Variants in PDE1A observed in about 807,000 individuals in gnomAD.
PDE1A encodes dual specificity calcium/calmodulin-dependent 3',5'-cyclic nucleotide phosphodiesterase 1A.
In PDE1A, 35 loss-of-function variants were observed where a neutral mutation model predicts 61.7. That is an observed-to-expected ratio of 0.57 (90% CI 0.43 to 0.75). The LOEUF (loss-of-function observed/expected upper bound fraction) is 0.75, where lower values mean the gene tolerates loss of function less well. PDE1A is among the 30% of genes least tolerant of loss of function. The probability of loss-of-function intolerance (pLI) is 0.00; values close to 1 mark genes in which losing one functional copy is unlikely to be tolerated. For missense variants in PDE1A, 597 were observed against 630.6 expected, an observed-to-expected ratio of 0.95 and a Z score of 0.57; for synonymous variants, 232 against 213.2, an observed-to-expected ratio of 1.09 and a Z score of -0.77.
the PDE1A span, among the ~76,000 whole-genome samples, chr2:182,707,821 G>A: frequency 6.6e-6 from 1 of 152,164 alleles, no homozygotes; most frequent in African/African-American, 2.4e-5. Context: ...CTAGGTAGAA[G>A]TCGCAATTAA....
chr2:182,364,484 A>AAAAAAAC (rs1699714085), intron 1 of PDE1A, among the ~76,000 whole-genome samples: 1 of 146,992 alleles, frequency 6.8e-6, no homozygotes, highest in Non-Finnish European at 1.5e-5. Context: ...AAAAAAAAAA[A>AAAAAAAC]AAAAAAAAAA....
intron 1 of PDE1A, among the ~76,000 whole-genome samples, chr2:182,359,594 T>C (rs1229254129): frequency 6.6e-6 from 1 of 152,136 alleles, no homozygotes; most frequent in Non-Finnish European, 1.5e-5. Flanking sequence ...GAAAGATTAT[T>C]GATGTCATTT....
At chr2:182,298,545 C>A (rs75205473) in intron 1 of PDE1A, among the ~76,000 whole-genome samples, 1 of 152,174 alleles carries the variant, frequency 6.6e-6, no homozygotes, top group African/African-American at 2.4e-5. Context: ...TTTCTTAGAA[C>A]CCCAACAGAA....
chr2:182,217,556 T>A (rs1374025008), intron 7 of PDE1A, among the ~76,000 whole-genome samples: 2 of 147,150 alleles, frequency 1.4e-5, no homozygotes, highest in Non-Finnish European at 3.0e-5. Flanking sequence ...TACAATGAAC[T>A]CAAACAAATT....
At chr2:182,379,435 T>A (rs1286131284) in intron 1 of PDE1A, among the ~76,000 whole-genome samples, 1 of 152,186 alleles carries the variant, frequency 6.6e-6, no homozygotes, top group Non-Finnish European at 1.5e-5. Context: ...GCTGACAGGA[T>A]CTCTGCAGAT....
chr2:182,245,644 T>A (rs1352800042), intron 2 of PDE1A, among the ~76,000 whole-genome samples: 1 of 152,158 alleles, frequency 6.6e-6, no homozygotes, highest in Non-Finnish European at 1.5e-5. Context: ...TTATTCCACT[T>A]GGTAATATGC....
At chr2:182,254,622 A>T (rs1393837545) in intron 2 of PDE1A, among the ~76,000 whole-genome samples, 5 of 152,166 alleles carry the variant, frequency 3.3e-5, no homozygotes, top group Admixed American at 3.3e-4. Flanking sequence ...TCCAGAACAA[A>T]AAGGGACTGG....
At chr2:182,696,228 A>G in the PDE1A span, among the ~76,000 whole-genome samples, 1 of 152,260 alleles carries the variant, frequency 6.6e-6, no homozygotes, top group Non-Finnish European at 1.5e-5. Context: ...CCTTTAGTAG[A>G]TGAATGAGGA....
chr2:182,169,086 C>A (rs951370454), intron 13 of PDE1A, among the ~76,000 whole-genome samples: 10 of 151,956 alleles, frequency 6.6e-5, no homozygotes, highest in South Asian at 6.2e-4. Context: ...TAAATAATTT[C>A]TTTAACTCAT....
chr2:182,225,320 T>C (rs1011658327), intron 6 of PDE1A, among the ~76,000 whole-genome samples: 1 of 151,856 alleles, frequency 6.6e-6, no homozygotes, highest in Non-Finnish European at 1.5e-5. Context: ...TTGATGAGAA[T>C]TGATGAATTT....
At chr2:182,221,192 T>C (rs186508304) in intron 7 of PDE1A, among the ~76,000 whole-genome samples, 1 of 152,036 alleles carries the variant, frequency 6.6e-6, no homozygotes, top group Admixed American at 6.6e-5. Flanking sequence ...TGCAGATGAA[T>C]AGTAAAGGGA....
At chr2:182,626,053 T>A in the PDE1A span, among the ~76,000 whole-genome samples, 1 of 152,160 alleles carries the variant, frequency 6.6e-6, no homozygotes, top group Non-Finnish European at 1.5e-5. Context: ...GGTAAGCTGA[T>A]CCTGCTCACC....
chr2:182,506,204 T>C (rs954648630), intron 2 of PDE1A, among the ~76,000 whole-genome samples: 6 of 152,240 alleles, frequency 3.9e-5, no homozygotes, highest in African/African-American at 1.4e-4. Flanking sequence ...TTTCTTTCCA[T>C]GTAGAGTTCG....
chr2:182,462,042 G>C (rs1470570905), intron 2 of PDE1A, among the ~76,000 whole-genome samples: 1 of 151,928 alleles, frequency 6.6e-6, no homozygotes, highest in East Asian at 1.9e-4. Context: ...TCTTTAAAAA[G>C]TATTCTCAGC....
intron 7 of PDE1A, among the ~76,000 whole-genome samples, chr2:182,221,258 T>C (rs866986678): frequency 5.9e-5 from 9 of 152,082 alleles, no homozygotes; most frequent in South Asian, 4.2e-4. Context: ...CCACTGGCCT[T>C]TACTTTTCAA....
At chr2:182,710,514 C>T in the PDE1A span, among the ~76,000 whole-genome samples, 2 of 152,178 alleles carry the variant, frequency 1.3e-5, no homozygotes, top group African/African-American at 4.8e-5. Context: ...TCCTTTTCCC[C>T]TCCACCACAT....
chr2:182,176,860 A>G (rs1449248387), intron 13 of PDE1A, among the ~76,000 whole-genome samples: 3 of 150,626 alleles, frequency 2.0e-5, no homozygotes, highest in Admixed American at 6.6e-5. Context: ...AATACGTCCC[A>G]TCAATACCTA....
intron 1 of PDE1A, among the ~76,000 whole-genome samples, chr2:182,278,984 A>G (rs1407405149): frequency 6.6e-6 from 1 of 151,992 alleles, no homozygotes; most frequent in Non-Finnish European, 1.5e-5. Flanking sequence ...TCCAACTCAG[A>G]TACCTTACAT....
At chr2:182,559,177 G>A in the PDE1A span, among the ~76,000 whole-genome samples, 2 of 152,102 alleles carry the variant, frequency 1.3e-5, no homozygotes, top group African/African-American at 2.4e-5. Context: ...GGCTGAATAA[G>A]TGAAAAGGTA....
Sources: allele counts gnomAD v4.1 joint callset (sites outside exome capture counted in the v4.1 genomes callset), GRCh38; gene constraint gnomAD v4.1.1; transcripts MANE v1.5; gene names NCBI Gene and HGNC (gene_info 2026-07-23, HGNC 2026-07-21).